UNC79: variants seen among roughly 807,000 people sequenced by gnomAD.
UNC79 encodes the protein protein unc-79 homolog.
Under a neutral mutation model 283.1 loss-of-function variants are expected in UNC79, and 37 were observed. The observed-to-expected ratio is 0.13, with a 90% confidence interval of 0.10 to 0.17. UNC79 has a LOEUF of 0.17. Ranked by LOEUF, UNC79 falls within the 10% of genes least tolerant of loss-of-function variation. The pLI, the probability that UNC79 is intolerant of heterozygous loss-of-function variation, is 1.00. For missense variants in UNC79, 2,272 were observed against 3,211.1 expected (o/e 0.71, Z 7.07); for synonymous variants, 1,107 against 1,200.2 (o/e 0.92, Z 1.61).
intron 41 of UNC79, among the ~76,000 whole-genome samples, chr14:93,675,091 GA>G (rs1448470220): frequency 6.6e-6 from 1 of 152,164 alleles, no homozygotes; most frequent in East Asian, 1.9e-4. Context: ...CAGAAACCTA[GA>G]GTGACCTTGT....
intron 31 of UNC79, among the ~76,000 whole-genome samples, chr14:93,634,941 A>G (rs2068380442): frequency 6.6e-6 from 1 of 152,204 alleles, no homozygotes; most frequent in Non-Finnish European, 1.5e-5. Context: ...AATAAAAAAG[A>G]AAACACACAG....
rs903648597 is a variant in UNC79 at position 93,572,826 on chromosome 14, T to G, written c.2070+10T>G. The G allele has an allele frequency of 5.6e-6, 9 of 1,612,188 alleles. No individual in the cohort carries two copies. The African/African-American group carries it at 1.2e-4, about 22-fold the overall frequency. On this transcript the variant is annotated intron_variant, in intron 16 of 48. Coordinates refer to ENST00000555664, the Ensembl canonical transcript of UNC79. ...TTTACTGTGGCTTCATGTAAGTGAA[T>G]AATACTTTCGATCATTTTAGGAAAT...
chr14:93,528,450 C>T lies in UNC79; in HGVS notation c.964-108C>T, dbSNP rs532299100. The T allele has an allele frequency of 1.7e-5, 17 of 994,130 alleles. No homozygotes were observed. In the Admixed American group the frequency reaches 2.6e-4, roughly 15 times the overall value. The allele number at this position is 994,130 out of a possible 1,614,324, so 61.6% of individuals were successfully genotyped here. On this transcript the variant is annotated intron_variant, in intron 8 of 48. Coordinates refer to ENST00000555664, the Ensembl canonical transcript of UNC79. The stretch of plus-strand genomic sequence containing the variant: ...AGGGTTTTACTAAAAATGTTTATTC[C>T]ACCTCGCTTGTGGAAAATCTGTCAT...
rs374736549 is a variant in UNC79, at chr14:93,692,082, A to G, written c.7470+136A>G. ...TGGATCGGGGATATGTTACCTTATA[A>G]GCTGGATGTTCTGCTTGCATAAGCA... is the stretch of plus-strand genomic sequence containing the variant. On this transcript the variant is annotated intron_variant, in intron 46 of 48. Transcript: ENST00000555664. The G allele has an allele frequency of 9.0e-5, 93 of 1,034,098 alleles. No individual in the cohort carries two copies. The South Asian group carries it at 1.4e-3, about 15-fold the overall frequency. The allele number at this position is 1,034,098 out of a possible 1,614,324, so 64.1% of individuals were successfully genotyped here. A position where few individuals can be genotyped will look rare whatever the true frequency, so the allele number is the denominator to read the frequency against.
At chr14:93,368,103 G>A (rs118035462) in intron 1 of UNC79, among the ~76,000 whole-genome samples, 252 of 152,286 alleles carry the variant, frequency 1.7e-3, no homozygotes, top group Non-Finnish European at 3.1e-3. Context: ...AGTTAGGCCT[G>A]TTCTTCCAGT....
exon 40 of UNC79, chr14:93,662,664 C>T: frequency 6.2e-7 from 1 of 1,612,480 alleles, no homozygotes; most frequent in Non-Finnish European, 8.5e-7. Flanking sequence ...CGTCTTCACT[C>T]TGGCCTACCT....
chr14:93,423,062 C>CAAAAAAAAAAAAA (rs71129634), intron 1 of UNC79, among the ~76,000 whole-genome samples: 9 of 77,294 alleles, frequency 1.2e-4, no homozygotes, highest in South Asian at 4.8e-4. Context: ...GACTCTGTCT[C>CAAAAAAAAAAAAA]AAAAAAAAAA....
chr14:93,611,503 C>A (rs1050352814), intron 26 of UNC79, among the ~76,000 whole-genome samples: 2 of 152,122 alleles, frequency 1.3e-5, no homozygotes, highest in East Asian at 3.8e-4. Flanking sequence ...TGCTCCTATC[C>A]CAGAGAAAAA....
intron 13 of UNC79, among the ~76,000 whole-genome samples, 186 bp from the exon 14 acceptor site, chr14:93,542,280 A>C (rs2061415880): frequency 1.3e-5 from 2 of 152,222 alleles, no homozygotes; most frequent in African/African-American, 4.8e-5. Context: ...TTGTTGTTGC[A>C]ATCCATCTAT....
chr14:93,578,135 C>T, intron 18 of UNC79, 72 bp downstream of exon 18: 1 of 1,394,402 alleles, frequency 7.2e-7, no homozygotes, highest in Non-Finnish European at 9.9e-7. Context: ...CAATTCTTTC[C>T]ATGTGTTGGG....
chr14:93,576,522 A>G (rs2063486538), intron 17 of UNC79, among the ~76,000 whole-genome samples: 1 of 152,234 alleles, frequency 6.6e-6, no homozygotes, highest in Non-Finnish European at 1.5e-5. Flanking sequence ...TTTATCCCAG[A>G]TAGTTTAAAT....
chr14:93,466,674 A>G (rs2057198041), intron 1 of UNC79, among the ~76,000 whole-genome samples: 1 of 152,182 alleles, frequency 6.6e-6, no homozygotes, highest in African/African-American at 2.4e-5. Flanking sequence ...AGGACTTGAT[A>G]TGTCTTCTGT....
chr14:93,435,368 C>G (rs1398853789), intron 1 of UNC79, among the ~76,000 whole-genome samples: 4 of 152,142 alleles, frequency 2.6e-5, no homozygotes. Context: ...TCTGGCTGTT[C>G]CCACTCAGAT....
At chr14:93,435,977 A>G (rs1208250359) in intron 1 of UNC79, among the ~76,000 whole-genome samples, 1 of 152,110 alleles carries the variant, frequency 6.6e-6, no homozygotes, top group Admixed American at 6.5e-5. Flanking sequence ...GTGTGGTCAC[A>G]CTATATTTCA....
rs12889740 is a variant in UNC79, at chr14:93,558,802, T to C, written c.1756-13092T>C. 2.6e-4 allele frequency among the ~76,000 whole-genome samples: 40 copies of C among 152,030 alleles called. No homozygotes were observed. In the East Asian group the frequency reaches 7.2e-3, roughly 27 times the overall value. On this transcript the variant is annotated intron_variant, in intron 14 of 48. Coordinates refer to ENST00000555664, the Ensembl canonical transcript of UNC79. ...GACCCTGTTCGCTGTGCCATAACTG[T>C]GGAGGCCAAGCTGCGTTATAATAGA...
chr14:93,577,226 A>AAAAAT (rs140131764), intron 17 of UNC79, among the ~76,000 whole-genome samples: 1 of 151,828 alleles, frequency 6.6e-6, no homozygotes, highest in African/African-American at 2.4e-5. Flanking sequence ...AATAATCCAA[A>AAAAAT]AAAAACCATT....
intron 27 of UNC79, among the ~76,000 whole-genome samples, chr14:93,614,385 C>T (rs996497890): frequency 5.3e-5 from 8 of 151,818 alleles, no homozygotes; most frequent in African/African-American, 1.2e-4. Context: ...GGCGCAGTCT[C>T]GGCTCACTGC....
chr14:93,688,846 AC>A lies in UNC79; in HGVS notation c.7085+9del, dbSNP rs763640360. ...CCCTCTGCAATGCAGCAAGGGTAAG[AC>A]CCTTACTATTCCGGGAATGAGGGTA... On this transcript the variant is annotated splice_region_variant and intron_variant, in intron 44 of 48. Transcript: ENST00000555664. This position sits in a 1 kb window ranked among gnomAD's most constrained non-coding sequence, Gnocchi z 4.0. The A allele has an allele frequency of 4.3e-6, 7 of 1,610,900 alleles. No homozygotes were observed. In the South Asian group the frequency reaches 5.5e-5, roughly 13 times the overall value.
intron 7 of UNC79, among the ~76,000 whole-genome samples, chr14:93,519,598 A>G (rs1289992915): frequency 2.0e-5 from 3 of 151,276 alleles, no homozygotes; most frequent in Non-Finnish European, 4.4e-5. Flanking sequence ...ATCATGTTAC[A>G]CTTGTTTTAT....
Sources: gnomAD v4.1 joint callset for allele counts (sites outside exome capture counted in the v4.1 genomes callset) on GRCh38, gnomAD v4.1.1 for gene constraint, Gnocchi (gnomAD v3.1) non-coding constraint, MANE v1.5 for transcripts, NCBI Gene and HGNC (gene_info 2026-07-23, HGNC 2026-07-21) for gene names.